Variants in SAP30BP observed in about 807,000 individuals in gnomAD.
SAP30BP encodes the protein SAP30-binding protein.
A neutral mutation model predicts 46.3 loss-of-function variants in SAP30BP; 31 were observed. The observed-to-expected ratio is 0.67, with a 90% CI of 0.50 to 0.90. SAP30BP has a LOEUF of 0.90. Ranked by LOEUF, SAP30BP falls within the 40% of genes least tolerant of loss-of-function variation. The probability of loss-of-function intolerance (pLI) is 0.00; values close to 1 mark genes in which losing one functional copy is unlikely to be tolerated. For missense variants in SAP30BP, 312 were observed against 391.0 expected (o/e 0.80, Z 1.70); for synonymous variants, 169 against 144.2 (o/e 1.17, Z -1.23).
intron 3 of SAP30BP, among the ~76,000 whole-genome samples, chr17:75,690,094 G>A (rs2060220198): frequency 6.6e-6 from 1 of 152,080 alleles, no homozygotes; most frequent in South Asian, 2.1e-4. Flanking sequence ...TAACAGACCT[G>A]CACATATACC....
In SAP30BP at chr17:75,687,082, TG is replaced by T. The variant is rs569435018; in HGVS notation, c.265-6356del. ...GTTCTGAAGCAGCTGTATTGCCTGA[TG>T]GTTAAGAGCACAGTTTCATGGGACT... On this transcript the variant is annotated intron_variant, in intron 3 of 10. Coordinates refer to ENST00000584667, the MANE Select transcript of SAP30BP (RefSeq NM_013260.8). Among the ~76,000 whole-genome samples the T allele has an allele frequency of 3.4e-3, 517 of 152,282 alleles. 4 individuals are homozygous for T. The highest frequency in any genetic ancestry group is 0.011 in the African/African-American group (446 of 41,546).
intron 3 of SAP30BP, among the ~76,000 whole-genome samples, chr17:75,691,210 AAG>A (rs1212688597): frequency 1.3e-5 from 2 of 152,060 alleles, no homozygotes; most frequent in South Asian, 2.1e-4. Context: ...TTTTTGTACT[AAG>A]AGGGTAGAAA....
Position 75,702,478 on chromosome 17 carries a change from A to G in SAP30BP, c.397-2A>G. Reference sequence around the variant, plus strand: ...CCCCACCCCCTCTGCTCCTCTTCACAGGACAAGATCCAGAAGCTTTATGAA... The same window carrying G: ...CCCCACCCCCTCTGCTCCTCTTCACGGGACAAGATCCAGAAGCTTTATGAA... On this transcript the variant is annotated splice_acceptor_variant, in intron 5 of 10. Coordinates refer to ENST00000584667, the MANE Select transcript of SAP30BP (RefSeq NM_013260.8). LOFTEE classifies it high-confidence loss of function. 2.7e-6 allele frequency: 4 copies of G among 1,487,362 alleles called. No homozygotes were observed. The highest frequency in any genetic ancestry group is 3.7e-6 in the Non-Finnish European group (4 of 1,068,766). 92.1% of individuals were successfully genotyped at this position (1,487,362 alleles called of 1,614,324 possible). A position where few individuals can be genotyped will look rare whatever the true frequency, so the allele number is the denominator to read the frequency against.
At chr17:75,701,468 G>A (rs1423296798) in intron 5 of SAP30BP, among the ~76,000 whole-genome samples, 5 of 152,156 alleles carry the variant, frequency 3.3e-5, no homozygotes, top group African/African-American at 1.2e-4. Context: ...GACGCCTGTG[G>A]CACTGGCCAC....
chr17:75,685,930 T>A (rs2060149714), intron 3 of SAP30BP, among the ~76,000 whole-genome samples: 1 of 124,268 alleles, frequency 8.0e-6, no homozygotes, highest in Non-Finnish European at 2.0e-5. Context: ...CCAAAAATCT[T>A]GAAGTGTCTT....
At chr17:75,669,801 G>A (rs2059882500) in intron 2 of SAP30BP, among the ~76,000 whole-genome samples, 1 of 152,164 alleles carries the variant, frequency 6.6e-6, no homozygotes, top group Non-Finnish European at 1.5e-5. Context: ...AGGAGAACCT[G>A]TGCTATTATT....
chr17:75,692,855 T>C (rs1482805511), intron 3 of SAP30BP: 1 of 152,254 alleles, frequency 6.6e-6, no homozygotes, highest in African/African-American at 2.4e-5. Flanking sequence ...CTGCCACTTA[T>C]TAAAGGTTTG....
chr17:75,691,532 G>A, intron 3 of SAP30BP: 1 of 453,276 alleles, frequency 2.2e-6, no homozygotes, highest in South Asian at 1.6e-5. Context: ...CCCTGAAGTG[G>A]CAAGTGTGTT....
chr17:75,693,244 G>A (rs971575594), intron 3 of SAP30BP, 196 bp from the exon 4 acceptor site: 4 of 574,110 alleles, frequency 7.0e-6, no homozygotes, highest in African/African-American at 3.8e-5. Flanking sequence ...GGGAGCATCC[G>A]GCTGCTGCGA....
Position 75,706,036 on chromosome 17 carries a change from G to C in SAP30BP, c.689G>C (p.Gly230Ala). Reference protein sequence around the residue: ...KIEFVTGTKKGTTTNATSTTT... With the variant: ...KIEFVTGTKKATTTNATSTTT... ...GAGTTTGTGACGGGCACCAAAAAAG[G>C]CACCACGACCAACGCCACGTCCACC... The change falls in exon 10 of 11, where the codon GGC becomes GCC. Residue 230 changes from glycine to alanine, a missense_variant. Gly to Ala is a moderately conservative substitution (Grantham distance 60). This residue lies in a region of SAP30BP where 296 missense variants were observed against 346.6 expected (regional missense o/e 0.85). Transcript: ENST00000584667. This position sits in a 1 kb window ranked among gnomAD's most constrained non-coding sequence, Gnocchi z 4.6. The C allele has an allele frequency of 1.2e-6, 2 of 1,613,690 alleles. No homozygotes were observed. Among genetic ancestry groups the C allele is most frequent in the Non-Finnish European group, 1.7e-6 (2 of 1,179,994 alleles).
At chr17:75,692,400 G>A in intron 3 of SAP30BP, 2 of 985,462 alleles carry the variant, frequency 2.0e-6, no homozygotes, top group Non-Finnish European at 2.4e-6. Context: ...GAAAAGACAT[G>A]GCGTCCAGCA....
intron 3 of SAP30BP, among the ~76,000 whole-genome samples, chr17:75,674,623 A>T (rs1440726316): frequency 6.7e-6 from 1 of 149,674 alleles, no homozygotes; most frequent in Non-Finnish European, 1.5e-5. Context: ...ATGTGTAACA[A>T]TATTTTTTAT....
At chr17:75,676,219 T>C (rs2059988302) in intron 3 of SAP30BP, among the ~76,000 whole-genome samples, 1 of 152,256 alleles carries the variant, frequency 6.6e-6, no homozygotes, top group Non-Finnish European at 1.5e-5. Flanking sequence ...AATCCACTGG[T>C]CTGTCTTGCC....
At chr17:75,695,935 G>A (rs1056698839) in intron 4 of SAP30BP, among the ~76,000 whole-genome samples, 1 of 152,106 alleles carries the variant, frequency 6.6e-6, no homozygotes, top group Non-Finnish European at 1.5e-5. Context: ...TGTCACTCAG[G>A]AGCTGGAGAT....
At position 75,682,956 on chromosome 17, in the gene SAP30BP, C is replaced by T. The variant is rs1371208882; in HGVS notation, c.265-10484C>T. On this transcript the variant is annotated intron_variant, in intron 3 of 10. Transcript: ENST00000584667. Reference sequence around the variant, plus strand: ...CTAGCCTGGTGACACGGTGAGACTTCGTCTCAAAAAAAAAAAAAAAAAAGA... The same window carrying T: ...CTAGCCTGGTGACACGGTGAGACTTTGTCTCAAAAAAAAAAAAAAAAAAGA... Among the ~76,000 whole-genome samples, 6 of 123,122 alleles carry T rather than the reference C, an allele frequency of 4.9e-5. No homozygotes were observed. In the South Asian group the frequency reaches 7.6e-4, roughly 16 times the overall value. 80.8% of individuals were successfully genotyped at this position (123,122 alleles called of 152,430 possible).
intron 5 of SAP30BP, 58 bp from the exon 6 acceptor site, chr17:75,702,422 C>T (rs536401516): frequency 8.8e-5 from 62 of 700,802 alleles, no homozygotes; most frequent in African/African-American, 7.9e-4. Flanking sequence ...GGGGCTGGGA[C>T]GGTGGAGGGG....
At chr17:75,687,890 G>A (rs892051969) in intron 3 of SAP30BP, among the ~76,000 whole-genome samples, 2 of 151,514 alleles carry the variant, frequency 1.3e-5, no homozygotes, top group Admixed American at 6.6e-5. Context: ...ACCTAAACTT[G>A]ACAGAAGACA....
chr17:75,667,588 C>A (rs571785069), intron 1 of SAP30BP, 110 bp downstream of exon 1: 3 of 955,774 alleles, frequency 3.1e-6, no homozygotes, highest in East Asian at 2.5e-5. Flanking sequence ...AGCACCGGAC[C>A]CCGAAGAATG....
chr17:75,705,057 A>G, intron 9 of SAP30BP: 2 of 496,374 alleles, frequency 4.0e-6, no homozygotes, highest in Non-Finnish European at 7.4e-6. Flanking sequence ...CTCCCCGCCA[A>G]TTGCAGAGCC....
Sources: allele counts gnomAD v4.1 joint callset (sites outside exome capture counted in the v4.1 genomes callset), GRCh38; gene constraint gnomAD v4.1.1; regional missense constraint gnomAD v4.1.1; non-coding constraint Gnocchi (gnomAD v3.1); transcripts MANE v1.5; gene names NCBI Gene and HGNC (gene_info 2026-07-23, HGNC 2026-07-21).